ARHGAP6: variants seen among roughly 807,000 people sequenced by gnomAD.
ARHGAP6 encodes the protein rho GTPase-activating protein 6.
ARHGAP6 carries 16 observed loss-of-function variants against 55.7 expected under a neutral mutation model. The observed-to-expected ratio is 0.29, with a 90% CI of 0.19 to 0.44. The LOEUF is 0.44. ARHGAP6 is among the 20% of genes least tolerant of loss of function. The pLI, the probability that ARHGAP6 is intolerant of heterozygous loss-of-function variation, is 1.00. For synonymous variants in ARHGAP6, 382 were observed against 360.9 expected (o/e 1.06, Z -0.66); for missense variants, 698 against 808.9 (o/e 0.86, Z 1.66).
At chrX:11,417,959 A>G (rs1334514876) in intron 1 of ARHGAP6, among the ~76,000 whole-genome samples, 3 of 112,244 alleles carry the variant, frequency 2.7e-5, no homozygotes, top group African/African-American at 6.5e-5. Context: ...ACTCATAGAG[A>G]GCATTCAATA....
rs1460422552 is a variant in ARHGAP6 at position 11,663,352 on chromosome X, C to T, written c.588+889G>A. On this transcript the variant is annotated intron_variant, in intron 1 of 12. Coordinates refer to ENST00000337414, the MANE Select transcript of ARHGAP6 (RefSeq NM_013427.3). ...ATTACAACTGATGGAATCTCCCTTCCCTTATGGAAACAGATCCAAGGCAAA... is the reference window on the plus strand; with the variant it reads ...ATTACAACTGATGGAATCTCCCTTCTCTTATGGAAACAGATCCAAGGCAAA... Among the ~76,000 whole-genome samples the T allele has an allele frequency of 7.2e-5, 8 of 111,843 alleles. No homozygotes were observed. The Admixed American group carries it at 7.6e-4, about 11-fold the overall frequency.
In ARHGAP6 at chrX:11,248,917, G is replaced by A. The variant is rs186647128; in HGVS notation, c.748+5631C>T. Among the ~76,000 whole-genome samples, 4 of 111,587 alleles carry A rather than the reference G, an allele frequency of 3.6e-5. 1 individual carries two copies. In the East Asian group the frequency reaches 1.1e-3, roughly 31 times the overall value. The stretch of plus-strand genomic sequence containing the variant: ...TTTGACCCAGTAATCTCGCTACTGG[G>A]CATTTACTCAGAGGAAAAGAAGTCA... On this transcript the variant is annotated intron_variant, in intron 2 of 12. Coordinates refer to ENST00000337414, the MANE Select transcript of ARHGAP6 (RefSeq NM_013427.3).
At chrX:11,423,001 T>C (rs1182199509) in intron 1 of ARHGAP6, among the ~76,000 whole-genome samples, 1 of 112,315 alleles carries the variant, frequency 8.9e-6, no homozygotes, top group East Asian at 2.8e-4. Context: ...AAAAGGTATC[T>C]ACAATTAGTA....
At chrX:11,641,336 G>A (rs1156741578) in intron 1 of ARHGAP6, among the ~76,000 whole-genome samples, 1 of 111,550 alleles carries the variant, frequency 9.0e-6, no homozygotes, top group South Asian at 3.7e-4. Context: ...GCAATTTCTG[G>A]TTCCAAAAAG....
intron 2 of ARHGAP6, among the ~76,000 whole-genome samples, chrX:11,240,412 C>T: frequency 8.9e-6 from 1 of 111,949 alleles, no homozygotes; most frequent in Non-Finnish European, 1.9e-5. Context: ...ATGCAATGCT[C>T]TGGTTTAAGA....
At chrX:11,422,519 A>G (rs1361839188) in intron 1 of ARHGAP6, among the ~76,000 whole-genome samples, 11 of 112,039 alleles carry the variant, frequency 9.8e-5, no homozygotes. Flanking sequence ...CTGAAATGTC[A>G]CTATTTCATT....
chrX:11,344,649 G>T (rs2048750491), intron 1 of ARHGAP6, among the ~76,000 whole-genome samples: 1 of 79,286 alleles, frequency 1.3e-5, no homozygotes, highest in South Asian at 9.1e-4. Flanking sequence ...CTGCACTCCA[G>T]TCTGGGCAAC....
At chrX:11,577,948 C>A (rs953600376) in intron 1 of ARHGAP6, among the ~76,000 whole-genome samples, 1 of 111,432 alleles carries the variant, frequency 9.0e-6, no homozygotes, top group Non-Finnish European at 1.9e-5. Context: ...TCATAGTCAT[C>A]GTCTTGAGGG....
intron 2 of ARHGAP6, among the ~76,000 whole-genome samples, chrX:11,205,333 C>T (rs2046690723): frequency 8.9e-6 from 1 of 111,747 alleles, no homozygotes; most frequent in Non-Finnish European, 1.9e-5. Flanking sequence ...CTGGTCTCCA[C>T]CTACCAGATG....
chrX:11,574,995 GA>G (rs1209482563), intron 1 of ARHGAP6, among the ~76,000 whole-genome samples: 2 of 112,075 alleles, frequency 1.8e-5, no homozygotes, highest in East Asian at 5.6e-4. Context: ...GCAACATTTT[GA>G]AGTAAGCACA....
At chrX:11,185,330 C>A (rs956315174) in intron 5 of ARHGAP6, among the ~76,000 whole-genome samples, 3 of 111,603 alleles carry the variant, frequency 2.7e-5, no homozygotes, top group African/African-American at 9.8e-5. Flanking sequence ...ATTAGGTCAT[C>A]CATATGTTAT....
chrX:11,355,486 C>G (rs1603119483), intron 1 of ARHGAP6, among the ~76,000 whole-genome samples: 1 of 112,294 alleles, frequency 8.9e-6, no homozygotes, highest in African/African-American at 3.2e-5. Flanking sequence ...AGTAGTAGAT[C>G]TGGCCTATCT....
intron 1 of ARHGAP6, among the ~76,000 whole-genome samples, chrX:11,387,778 C>T (rs1453222535): frequency 2.7e-5 from 3 of 110,889 alleles, no homozygotes; most frequent in African/African-American, 9.9e-5. Context: ...TGTTCAATTC[C>T]CACCTATGAG....
chrX:11,591,605 C>G (rs918401621), intron 1 of ARHGAP6, among the ~76,000 whole-genome samples: 6 of 111,216 alleles, frequency 5.4e-5, no homozygotes, highest in African/African-American at 2.0e-4. Flanking sequence ...CAAAAGATCA[C>G]ATATTTTATG....
intron 1 of ARHGAP6, among the ~76,000 whole-genome samples, chrX:11,545,161 A>C (rs887591387): frequency 5.4e-5 from 6 of 111,908 alleles, no homozygotes; most frequent in Non-Finnish European, 1.1e-4. Flanking sequence ...ACATGGTACA[A>C]GAAGTGATTC....
chrX:11,349,513 C>A (rs1036862197), intron 1 of ARHGAP6, among the ~76,000 whole-genome samples: 1 of 111,069 alleles, frequency 9.0e-6, no homozygotes, highest in South Asian at 3.8e-4. Context: ...GCATTCAAAA[C>A]ATACTTACTG....
At chrX:11,259,901 G>A (rs2047536529) in intron 1 of ARHGAP6, among the ~76,000 whole-genome samples, 1 of 111,230 alleles carries the variant, frequency 9.0e-6, no homozygotes, top group Non-Finnish European at 1.9e-5. Context: ...GTCCATACCC[G>A]AATCCCAGGA....
chrX:11,273,134 T>G (rs2047712067), intron 1 of ARHGAP6, among the ~76,000 whole-genome samples: 1 of 110,811 alleles, frequency 9.0e-6, no homozygotes, highest in Admixed American at 9.6e-5. Flanking sequence ...ACCCTTTTTT[T>G]TTGGTAAATA....
At chrX:11,239,348 G>A (rs2047244704) in intron 2 of ARHGAP6, among the ~76,000 whole-genome samples, 1 of 111,891 alleles carries the variant, frequency 8.9e-6, no homozygotes, top group African/African-American at 3.3e-5. Flanking sequence ...ATGGAGGCCT[G>A]TATTGCTCAC....
Sources: gnomAD v4.1 joint callset for allele counts (sites outside exome capture counted in the v4.1 genomes callset) on GRCh38, gnomAD v4.1.1 for gene constraint, MANE v1.5 for transcripts, NCBI Gene and HGNC (gene_info 2026-07-23, HGNC 2026-07-21) for gene names.